Variants in SYT1 observed in about 807,000 individuals in gnomAD.
SYT1 encodes synaptotagmin-1.
SYT1 carries 8 observed loss-of-function variants against 44.8 expected under a neutral mutation model. That is an observed-to-expected ratio of 0.18 (90% CI 0.10 to 0.32). The LOEUF (loss-of-function observed/expected upper bound fraction) is 0.32. Ranked by LOEUF, SYT1 falls within the 10% of genes least tolerant of loss-of-function variation. The pLI is 1.00. For synonymous variants in SYT1, 154 were observed against 188.8 expected (o/e 0.82, Z 1.51); for missense variants, 286 against 509.3 (o/e 0.56, Z 4.22).
At chr12:79,397,897 T>A (rs1355767369) in intron 9 of SYT1, among the ~76,000 whole-genome samples, 1 of 152,200 alleles carries the variant, frequency 6.6e-6, no homozygotes, top group African/African-American at 2.4e-5. Context: ...GTAAATTCCA[T>A]ATCACTATGC....
At chr12:79,064,932 GAAAGAA>G (rs1555194733) in intron 3 of SYT1, among the ~76,000 whole-genome samples, 28 of 73,146 alleles carry the variant, frequency 3.8e-4, no homozygotes, top group African/African-American at 1.2e-3. Context: ...TAGAGAGAAA[GAAAGAA>G]AGAAAGAAAG....
intron 8 of SYT1, among the ~76,000 whole-genome samples, chr12:79,340,464 C>T (rs577840459): frequency 6.6e-6 from 1 of 152,174 alleles, no homozygotes; most frequent in African/African-American, 2.4e-5. Context: ...TGATTTGGCT[C>T]TCTGTTTGTC....
At chr12:79,333,975 G>A (rs1192561972) in intron 8 of SYT1, among the ~76,000 whole-genome samples, 1 of 151,836 alleles carries the variant, frequency 6.6e-6, no homozygotes, top group African/African-American at 2.4e-5. Flanking sequence ...TACATGGTCC[G>A]TGACATTGCT....
At chr12:79,091,948 T>C (rs1565802484) in intron 3 of SYT1, among the ~76,000 whole-genome samples, 1 of 152,038 alleles carries the variant, frequency 6.6e-6, no homozygotes, top group African/African-American at 2.4e-5. Flanking sequence ...AAGCTCATTT[T>C]CAATTTTGCT....
At chr12:78,892,341 T>C (rs1230117302) in intron 1 of SYT1, among the ~76,000 whole-genome samples, 5 of 151,826 alleles carry the variant, frequency 3.3e-5, no homozygotes, top group African/African-American at 1.2e-4. Flanking sequence ...TTTTAGGTTC[T>C]GCACATAATA....
intron 3 of SYT1, among the ~76,000 whole-genome samples, chr12:79,115,263 A>G (rs1023835891): frequency 1.3e-5 from 2 of 152,220 alleles, no homozygotes; most frequent in African/African-American, 4.8e-5. Context: ...TGAGTTGCAC[A>G]TAATTCCAGG....
intron 9 of SYT1, among the ~76,000 whole-genome samples, chr12:79,360,639 T>C (rs904315547): frequency 1.3e-5 from 2 of 152,264 alleles, no homozygotes; most frequent in South Asian, 4.1e-4. Context: ...TAAACTGGCA[T>C]CTTATTGAGC....
chr12:79,105,065 A>G (rs1379630205), intron 3 of SYT1, among the ~76,000 whole-genome samples: 2 of 152,210 alleles, frequency 1.3e-5, no homozygotes, highest in African/African-American at 2.4e-5. Context: ...CAAGACAGAA[A>G]GAACAGCTAG....
At chr12:79,090,323 A>G (rs1424312801) in intron 3 of SYT1, among the ~76,000 whole-genome samples, 1 of 151,952 alleles carries the variant, frequency 6.6e-6, no homozygotes, top group East Asian at 1.9e-4. Context: ...TAGGATAGCA[A>G]ACTTTTTTCT....
chr12:79,067,265 CA>C (rs1477136976), intron 3 of SYT1, among the ~76,000 whole-genome samples: 1 of 151,964 alleles, frequency 6.6e-6, no homozygotes, highest in African/African-American at 2.4e-5. Context: ...CTATTTTTTT[CA>C]AATGTCCATT....
intron 1 of SYT1, among the ~76,000 whole-genome samples, chr12:78,890,887 GA>G (rs1393023670): frequency 6.6e-6 from 1 of 151,844 alleles, no homozygotes; most frequent in Non-Finnish European, 1.5e-5. Flanking sequence ...CCATCTGCTA[GA>G]AAGTTTCTGA....
At chr12:79,355,439 C>T (rs1883075708) in intron 9 of SYT1, among the ~76,000 whole-genome samples, 2 of 152,248 alleles carry the variant, frequency 1.3e-5, no homozygotes, top group South Asian at 4.1e-4. Flanking sequence ...ATCCTCACAA[C>T]CTGGGTTCAC....
chr12:79,040,332 G>T (rs964609427), intron 2 of SYT1, among the ~76,000 whole-genome samples: 13 of 152,030 alleles, frequency 8.6e-5, no homozygotes, highest in Non-Finnish European at 1.9e-4. Context: ...GTGTGAGATG[G>T]TATCTCATTG....
intron 9 of SYT1, among the ~76,000 whole-genome samples, chr12:79,440,190 C>T (rs1451612851): frequency 6.6e-6 from 1 of 152,096 alleles, no homozygotes; most frequent in Non-Finnish European, 1.5e-5. Context: ...TGCACTCCAG[C>T]CTGGGTGAAA....
chr12:79,299,401 G>A lies in SYT1; in HGVS notation c.660G>A (p.Leu220=), dbSNP rs1281686780. 1 of 1,613,100 alleles carries A rather than the reference G, an allele frequency of 6.2e-7. No homozygotes were observed. Among genetic ancestry groups the A allele is most frequent in the African/African-American group, 1.3e-5 (1 of 74,932 alleles). The change falls in exon 8 of 11, where the codon TTG becomes TTA. Residue 220 remains leucine, a synonymous_variant. Coordinates refer to ENST00000261205, the MANE Select transcript of SYT1 (RefSeq NM_005639.3). ...TAATTTAGGTACCATACTCGGAATT[G>A]GGTGGCAAAACCCTAGTGATGGCTG... ...QFTFKVPYSE[L]GGKTLVMAVY...
intron 8 of SYT1, among the ~76,000 whole-genome samples, chr12:79,338,397 A>C (rs10861887): frequency 0.055 from 8,334 of 150,358 alleles, 470 homozygotes; most frequent in African/African-American, 0.15. Context: ...CCGACCTCCT[A>C]CCTCAGCCTC....
intron 1 of SYT1, among the ~76,000 whole-genome samples, chr12:78,941,280 G>A (rs899974810): frequency 1.2e-4 from 18 of 151,002 alleles, no homozygotes; most frequent in Middle Eastern, 3.4e-3. Context: ...CACTGTGTTA[G>A]CCAGGATGGT....
chr12:79,080,875 C>G (rs1565796974), intron 3 of SYT1, among the ~76,000 whole-genome samples: 1 of 152,110 alleles, frequency 6.6e-6, no homozygotes, highest in African/African-American at 2.4e-5. Context: ...ACAGATGGGA[C>G]AAGGAATTTA....
At chr12:79,349,221 G>T (rs1882782513) in intron 8 of SYT1, among the ~76,000 whole-genome samples, 1 of 151,492 alleles carries the variant, frequency 6.6e-6, no homozygotes, top group Non-Finnish European at 1.5e-5. Flanking sequence ...ATGGAAGGAA[G>T]GATCTAACTT....
Sources: allele counts gnomAD v4.1 joint callset (sites outside exome capture counted in the v4.1 genomes callset), GRCh38; gene constraint gnomAD v4.1.1; transcripts MANE v1.5; gene names NCBI Gene and HGNC (gene_info 2026-07-23, HGNC 2026-07-21).